Variants in SPAG16 observed in about 807,000 individuals in gnomAD.
SPAG16 encodes the protein sperm-associated antigen 16 protein.
In SPAG16, 86 loss-of-function variants were observed where a neutral mutation model predicts 80.4. That is an observed-to-expected ratio of 1.07 (90% CI 0.90 to 1.28). The LOEUF (loss-of-function observed/expected upper bound fraction) is 1.28. SPAG16 is among the 50% of genes most tolerant of loss of function. The probability of loss-of-function intolerance (pLI) is 0.00; values close to 1 mark genes in which losing one functional copy is unlikely to be tolerated. For synonymous variants in SPAG16, 294 were observed against 265.9 expected (o/e 1.11, Z -1.03); for missense variants, 870 against 765.3 (o/e 1.14, Z -1.61).
At chr2:214,237,987 T>C in intron 15 of SPAG16, 1 of 265,196 alleles carries the variant, frequency 3.8e-6, no homozygotes, top group Non-Finnish European at 7.5e-6. Context: ...ATTTAGAGCA[T>C]TATATCTAAT....
At chr2:214,299,622 G>A (rs1576717210) in intron 15 of SPAG16, among the ~76,000 whole-genome samples, 1 of 152,066 alleles carries the variant, frequency 6.6e-6, no homozygotes, top group South Asian at 2.1e-4. Flanking sequence ...AAATTTATTG[G>A]CAAAGTAAGT....
intron 12 of SPAG16, among the ~76,000 whole-genome samples, chr2:213,951,447 GACA>G (rs2079772970): frequency 6.6e-6 from 1 of 152,054 alleles, no homozygotes; most frequent in African/African-American, 2.4e-5. Flanking sequence ...TCAAGATCAA[GACA>G]ACAACATAGC....
intron 15 of SPAG16, among the ~76,000 whole-genome samples, chr2:214,220,723 C>A (rs2058544820): frequency 6.6e-6 from 1 of 152,124 alleles, no homozygotes; most frequent in African/African-American, 2.4e-5. Flanking sequence ...AATAAACCCC[C>A]AACAAGTATT....
intron 11 of SPAG16, among the ~76,000 whole-genome samples, chr2:213,872,904 C>T (rs532333506): frequency 6.6e-6 from 1 of 152,096 alleles, no homozygotes; most frequent in Non-Finnish European, 1.5e-5. Context: ...TATGTTGAAC[C>T]AACCTTGCAT....
chr2:214,058,821 A>C (rs1191797505), intron 13 of SPAG16, among the ~76,000 whole-genome samples: 1 of 152,092 alleles, frequency 6.6e-6, no homozygotes, highest in Non-Finnish European at 1.5e-5. Context: ...ACAAACCAGA[A>C]ATTTCCATTA....
chr2:213,286,001 A>G (rs1257261054), intron 1 of SPAG16: 1 of 999,626 alleles, frequency 1.0e-6, no homozygotes, highest in Non-Finnish European at 1.4e-6. Context: ...AGATTGACAC[A>G]ATGAGGTAAC....
intron 5 of SPAG16, among the ~76,000 whole-genome samples, chr2:213,327,914 G>A (rs2063913820): frequency 6.6e-6 from 1 of 152,040 alleles, no homozygotes; most frequent in African/African-American, 2.4e-5. Flanking sequence ...GAGTAATTTA[G>A]TATTTGCTAT....
intron 2 of SPAG16, 35 bp from the exon 3 acceptor site, chr2:213,297,227 C>G: frequency 1.3e-6 from 2 of 1,534,058 alleles, no homozygotes; most frequent in African/African-American, 1.4e-5. Context: ...TATTTCTGCT[C>G]ACTCTTCCTA....
intron 9 of SPAG16, among the ~76,000 whole-genome samples, chr2:213,449,435 C>T (rs531066376): frequency 3.6e-4 from 55 of 152,230 alleles, no homozygotes; most frequent in South Asian, 8.3e-4. Flanking sequence ...ACCCTCTGTT[C>T]TTACACCCCC....
At chr2:213,495,912 G>A (rs2074459872) in intron 10 of SPAG16, among the ~76,000 whole-genome samples, 1 of 152,030 alleles carries the variant, frequency 6.6e-6, no homozygotes, top group Non-Finnish European at 1.5e-5. Flanking sequence ...AATAGGAGGG[G>A]GAATATAAAG....
chr2:214,335,699 T>C (rs1047076847), intron 15 of SPAG16, among the ~76,000 whole-genome samples: 1 of 151,836 alleles, frequency 6.6e-6, no homozygotes, highest in Non-Finnish European at 1.5e-5. Context: ...AATGTTTTTC[T>C]TTCCTGTGTT....
At chr2:213,892,809 G>A (rs2076835989) in intron 11 of SPAG16, among the ~76,000 whole-genome samples, 1 of 151,970 alleles carries the variant, frequency 6.6e-6, no homozygotes, top group Non-Finnish European at 1.5e-5. Flanking sequence ...ATATAGAAGA[G>A]TACCTCAGAA....
intron 13 of SPAG16, among the ~76,000 whole-genome samples, chr2:214,041,501 G>C (rs1019134871): frequency 6.7e-6 from 1 of 150,336 alleles, no homozygotes; most frequent in Non-Finnish European, 1.5e-5. Context: ...TAGTCAGTGT[G>C]AAAAAAGCAT....
intron 5 of SPAG16, among the ~76,000 whole-genome samples, chr2:213,329,999 G>A (rs979355750): frequency 2.0e-5 from 3 of 152,224 alleles, no homozygotes; most frequent in Admixed American, 1.3e-4. Flanking sequence ...GCCTGCAGGT[G>A]CATGGAAGTC....
chr2:214,297,120 A>G (rs1052528331), intron 15 of SPAG16, among the ~76,000 whole-genome samples: 2 of 152,144 alleles, frequency 1.3e-5, no homozygotes, highest in African/African-American at 4.8e-5. Context: ...CTTTATATCA[A>G]TGCAAACAGA....
chr2:214,335,526 C>A (rs1369645871), intron 15 of SPAG16, among the ~76,000 whole-genome samples: 1 of 151,150 alleles, frequency 6.6e-6, no homozygotes, highest in Non-Finnish European at 1.5e-5. Context: ...TAAGTAAAAA[C>A]TGTACATGAT....
At chr2:214,152,805 C>T (rs1451151203) in intron 15 of SPAG16, among the ~76,000 whole-genome samples, 2 of 152,174 alleles carry the variant, frequency 1.3e-5, no homozygotes, top group Non-Finnish European at 2.9e-5. Context: ...GGGGGCCCTT[C>T]CCTGCCTGGC....
intron 9 of SPAG16, among the ~76,000 whole-genome samples, chr2:213,466,526 C>A (rs545236603): frequency 3.0e-4 from 46 of 152,212 alleles, no homozygotes; most frequent in African/African-American, 1.1e-3. Context: ...TGCCCAAGAA[C>A]CCCCTCAGTT....
intron 10 of SPAG16, among the ~76,000 whole-genome samples, chr2:213,861,613 A>G (rs998727354): frequency 3.9e-5 from 6 of 152,226 alleles, no homozygotes; most frequent in Non-Finnish European, 7.4e-5. Flanking sequence ...TAGGTGCTTA[A>G]CATTGGACAC....
Sources: allele counts gnomAD v4.1 joint callset (sites outside exome capture counted in the v4.1 genomes callset), GRCh38; gene constraint gnomAD v4.1.1; transcripts MANE v1.5; gene names NCBI Gene and HGNC (gene_info 2026-07-23, HGNC 2026-07-21).